The following PSD3 variants were observed in gnomAD, a reference collection of about 807,000 sequenced individuals.
PSD3 encodes PH and SEC7 domain-containing protein 3.
PSD3 carries 49 observed loss-of-function variants against 105.5 expected under a neutral mutation model. That is an observed-to-expected ratio of 0.46 (90% CI 0.37 to 0.59). The LOEUF (loss-of-function observed/expected upper bound fraction) is 0.59. Ranked by LOEUF, PSD3 falls within the 20% of genes least tolerant of loss-of-function variation. The probability of loss-of-function intolerance (pLI) is 0.00; values close to 1 mark genes in which losing one functional copy is unlikely to be tolerated. For synonymous variants in PSD3, 557 were observed against 457.8 expected, an observed-to-expected ratio of 1.22 and a Z score of -2.77; for missense variants, 1,561 against 1,263.8, an observed-to-expected ratio of 1.24 and a Z score of -3.57.
intron 1 of PSD3, among the ~76,000 whole-genome samples, chr8:19,031,599 C>T (rs1358902978): frequency 6.6e-6 from 1 of 152,070 alleles, no homozygotes; most frequent in Non-Finnish European, 1.5e-5. Flanking sequence ...AGGGTGTTCC[C>T]TTCCCTCCCA....
intron 4 of PSD3, among the ~76,000 whole-genome samples, chr8:18,853,541 G>A (rs1371258010): frequency 2.0e-5 from 3 of 151,104 alleles, no homozygotes; most frequent in Non-Finnish European, 4.4e-5. Flanking sequence ...AGCTCCAGGG[G>A]GAAAAAAAAA....
At chr8:18,538,657 C>T (rs1237751090) in intron 15 of PSD3, among the ~76,000 whole-genome samples, 1 of 152,116 alleles carries the variant, frequency 6.6e-6, no homozygotes, top group Non-Finnish European at 1.5e-5. Flanking sequence ...GTTTAGATCA[C>T]TTGAAAGGGG....
At chr8:18,939,412 C>G (rs13251604) in intron 1 of PSD3, among the ~76,000 whole-genome samples, 17,664 of 152,104 alleles carry the variant, frequency 0.12, 1,163 homozygotes, top group Middle Eastern at 0.25. Context: ...TATCATCTAA[C>G]AGTTACTACA....
At chr8:19,031,479 A>T (rs1203290551) in intron 1 of PSD3, among the ~76,000 whole-genome samples, 1 of 143,248 alleles carries the variant, frequency 7.0e-6, no homozygotes, top group Non-Finnish European at 1.6e-5. Flanking sequence ...AGAGTACTAT[A>T]CGGTAAATGC....
intron 1 of PSD3, among the ~76,000 whole-genome samples, chr8:18,967,749 CAA>C (rs1824369468): frequency 6.6e-6 from 1 of 152,040 alleles, no homozygotes; most frequent in African/African-American, 2.4e-5. Flanking sequence ...TACTAGCTGC[CAA>C]AAGAGTCACA....
intron 8 of PSD3, among the ~76,000 whole-genome samples, chr8:18,771,352 G>A (rs931385545): frequency 1.3e-5 from 2 of 152,072 alleles, no homozygotes; most frequent in East Asian, 3.8e-4. Flanking sequence ...AAGCACAAAA[G>A]GTTTTAATTA....
chr8:18,553,788 A>C (rs1800915022), intron 15 of PSD3, among the ~76,000 whole-genome samples: 1 of 152,206 alleles, frequency 6.6e-6, no homozygotes. Flanking sequence ...TTTAGATGAC[A>C]GCTGAAATTT....
chr8:18,544,542 G>A (rs946522409), intron 15 of PSD3, among the ~76,000 whole-genome samples: 1 of 151,540 alleles, frequency 6.6e-6, no homozygotes, highest in African/African-American at 2.4e-5. Context: ...GTTCGTGTTC[G>A]TGGCTTTCTG....
intron 4 of PSD3, among the ~76,000 whole-genome samples, chr8:18,860,596 T>C (rs1816366448): frequency 6.6e-6 from 1 of 152,152 alleles, no homozygotes; most frequent in Non-Finnish European, 1.5e-5. Flanking sequence ...AACAAGACCC[T>C]TTTGAGTTCA....
intron 9 of PSD3, among the ~76,000 whole-genome samples, chr8:18,705,764 G>C (rs1187232967): frequency 6.6e-6 from 1 of 152,036 alleles, no homozygotes; most frequent in African/African-American, 2.4e-5. Flanking sequence ...TATTCTTTGG[G>C]GAGGAGTTGA....
chr8:18,783,618 G>A (rs570303593), intron 8 of PSD3, among the ~76,000 whole-genome samples: 45 of 152,238 alleles, frequency 3.0e-4, no homozygotes, highest in Middle Eastern at 3.4e-3. Context: ...AGTTTTTTAT[G>A]TTGTATTTTC....
chr8:18,873,813 A>T (rs1817547774), intron 2 of PSD3, among the ~76,000 whole-genome samples: 1 of 152,260 alleles, frequency 6.6e-6, no homozygotes, highest in African/African-American at 2.4e-5. Context: ...CATATTAGTA[A>T]GATCACTACC....
chr8:19,074,657 G>C (rs1343913752), intron 1 of PSD3, among the ~76,000 whole-genome samples: 1 of 107,180 alleles, frequency 9.3e-6, no homozygotes, highest in Admixed American at 1.4e-4. Context: ...GTCTCGCTCT[G>C]TGGCCCAGGC....
chr8:18,664,215 G>A (rs1425119954), intron 9 of PSD3, among the ~76,000 whole-genome samples: 1 of 152,202 alleles, frequency 6.6e-6, no homozygotes. Flanking sequence ...TGAGGCTAAG[G>A]CTACGCTGAA....
chr8:18,940,090 A>G (rs1822432347), intron 1 of PSD3: 1 of 152,212 alleles, frequency 6.6e-6, no homozygotes, highest in South Asian at 2.1e-4. Context: ...AGCATTACCT[A>G]CAGCACCAAG....
chr8:18,865,972 C>G (rs1465502132), intron 4 of PSD3, among the ~76,000 whole-genome samples: 1 of 152,192 alleles, frequency 6.6e-6, no homozygotes, highest in Non-Finnish European at 1.5e-5. Flanking sequence ...TTTAATAAAC[C>G]TTTCACCCAG....
chr8:19,077,398 A>G (rs1165739528), intron 1 of PSD3, among the ~76,000 whole-genome samples: 1 of 152,228 alleles, frequency 6.6e-6, no homozygotes, highest in Non-Finnish European at 1.5e-5. Context: ...ATATAATCAC[A>G]GGAAATATGC....
intron 1 of PSD3, among the ~76,000 whole-genome samples, chr8:19,075,442 C>T (rs1829436051): frequency 6.6e-6 from 1 of 152,220 alleles, no homozygotes; most frequent in Admixed American, 6.5e-5. Context: ...CAGACCAATT[C>T]ACTGCATGTA....
At chr8:18,892,405 A>C (rs1013489854) in intron 2 of PSD3, among the ~76,000 whole-genome samples, 2 of 151,320 alleles carry the variant, frequency 1.3e-5, no homozygotes, top group African/African-American at 4.9e-5. Context: ...TTGTATTTTT[A>C]GTAAAGACGG....
Sources: allele counts gnomAD v4.1 joint callset (sites outside exome capture counted in the v4.1 genomes callset), GRCh38; gene constraint gnomAD v4.1.1; transcripts MANE v1.5; gene names NCBI Gene and HGNC (gene_info 2026-07-23, HGNC 2026-07-21).